PAMR1: variants seen among roughly 807,000 people sequenced by gnomAD.
PAMR1 encodes inactive serine protease PAMR1.
Under a neutral mutation model 81.8 loss-of-function variants are expected in PAMR1, and 88 were observed. The observed-to-expected ratio is 1.08, with a 90% CI of 0.91 to 1.28. PAMR1 has a LOEUF of 1.28. Among genes scored for constraint, PAMR1 ranks in the 50% most tolerant of loss-of-function variants. The pLI, the probability that PAMR1 is intolerant of heterozygous loss-of-function variation, is 0.00. For synonymous variants in PAMR1, 336 were observed against 345.3 expected (o/e 0.97, Z 0.30); for missense variants, 935 against 919.7 (o/e 1.02, Z -0.21).
intron 7 of PAMR1, among the ~76,000 whole-genome samples, chr11:35,441,050 A>G (rs1480211850): frequency 6.6e-6 from 1 of 152,050 alleles, no homozygotes; most frequent in Non-Finnish European, 1.5e-5. Flanking sequence ...AACATCTTCA[A>G]TCCTCCCCCT....
intron 1 of PAMR1, among the ~76,000 whole-genome samples, chr11:35,506,413 GT>G (rs66913789): frequency 0.35 from 46,462 of 131,540 alleles, 7,363 homozygotes; most frequent in African/African-American, 0.41. Flanking sequence ...GCATGTTAGT[GT>G]TTTTTTTTTG....
chr11:35,507,861 A>G (rs887297063), intron 1 of PAMR1, among the ~76,000 whole-genome samples: 11 of 149,122 alleles, frequency 7.4e-5, no homozygotes, highest in African/African-American at 2.7e-4. Context: ...TCTTAAGCCC[A>G]GATTTGCCTT....
intron 1 of PAMR1, among the ~76,000 whole-genome samples, chr11:35,503,692 G>C (rs1329291256): frequency 6.6e-6 from 1 of 152,032 alleles, no homozygotes; most frequent in African/African-American, 2.4e-5. Flanking sequence ...GTATATAAAT[G>C]CTACTGATTC....
At chr11:35,432,955 C>G (rs1382725131) in intron 10 of PAMR1, 63 bp from the exon 11 acceptor site, 4 of 1,433,790 alleles carry the variant, frequency 2.8e-6, no homozygotes, top group Non-Finnish European at 3.7e-6. Context: ...TAAGAACAGA[C>G]AAGGCTTGGA....
chr11:35,467,900 G>T, intron 6 of PAMR1, 101 bp downstream of exon 6: 1 of 689,514 alleles, frequency 1.5e-6, no homozygotes, highest in Non-Finnish European at 2.6e-6. Context: ...CTTGGACAGA[G>T]CATCCTAGAC....
At chr11:35,452,158 C>A (rs1162633117) in intron 6 of PAMR1, among the ~76,000 whole-genome samples, 1 of 151,934 alleles carries the variant, frequency 6.6e-6, no homozygotes, top group Non-Finnish European at 1.5e-5. Flanking sequence ...GAGCAGAAGA[C>A]TGGAAACCTT....
At chr11:35,471,014 T>A (rs1281414155) in intron 4 of PAMR1, among the ~76,000 whole-genome samples, 196 bp from the exon 5 acceptor site, 1 of 152,170 alleles carries the variant, frequency 6.6e-6, no homozygotes, top group East Asian at 1.9e-4. Flanking sequence ...ACTGTTTGCA[T>A]GTATGTGCAC....
chr11:35,515,728 C>T (rs1851150657), intron 1 of PAMR1, among the ~76,000 whole-genome samples: 1 of 152,146 alleles, frequency 6.6e-6, no homozygotes, highest in African/African-American at 2.4e-5. Context: ...AGAAATGAAG[C>T]CATGGCATGT....
At chr11:35,508,840 T>C (rs1851024028) in intron 1 of PAMR1, among the ~76,000 whole-genome samples, 1 of 152,170 alleles carries the variant, frequency 6.6e-6, no homozygotes, top group Admixed American at 6.5e-5. Flanking sequence ...CTTAGGATAA[T>C]GGTCTCCAGC....
intron 1 of PAMR1, among the ~76,000 whole-genome samples, chr11:35,522,652 TG>T (rs1481371447): frequency 6.6e-6 from 1 of 152,258 alleles, no homozygotes; most frequent in African/African-American, 2.4e-5. Flanking sequence ...TGAACATTGA[TG>T]TAAACATATC....
Position 35,446,461 on chromosome 11 carries a change from G to T in PAMR1, c.821-4768C>A, listed in dbSNP as rs186935476. On this transcript the variant is annotated intron_variant, in intron 6 of 10. Transcript: ENST00000619888. ...CAATTTGAGATCTGTGTAGATTTTT[G>T]ATGTGGGCATTTAGTGCTATAAATT... Among the ~76,000 whole-genome samples, 353 of 152,138 alleles carry T rather than the reference G, an allele frequency of 2.3e-3. 1 individual carries two copies. Among genetic ancestry groups the T allele is most frequent in the African/African-American group, 8.2e-3 (339 of 41,526 alleles).
At chr11:35,468,233 A>G (rs1398702197) in intron 5 of PAMR1, 125 bp from the exon 6 acceptor site, 1 of 599,226 alleles carries the variant, frequency 1.7e-6, no homozygotes. Context: ...TCTTCCCTTT[A>G]CTGAATTCAT....
intron 6 of PAMR1, among the ~76,000 whole-genome samples, chr11:35,451,655 G>A (rs533842488): frequency 2.2e-4 from 34 of 152,274 alleles, no homozygotes; most frequent in African/African-American, 8.2e-4. Context: ...GGATCCAATA[G>A]AAGGTACAAT....
intron 6 of PAMR1, among the ~76,000 whole-genome samples, chr11:35,461,134 C>T (rs539717168): frequency 6.6e-6 from 1 of 152,340 alleles, no homozygotes; most frequent in South Asian, 2.1e-4. Context: ...TGAATTACCT[C>T]TTAACCCAGA....
intron 4 of PAMR1, 75 bp from the exon 5 acceptor site, chr11:35,470,893 C>T: frequency 1.0e-6 from 1 of 1,000,638 alleles, no homozygotes; most frequent in Non-Finnish European, 1.6e-6. Context: ...TCATTCAAGG[C>T]CAGATGAGGA....
intron 3 of PAMR1, among the ~76,000 whole-genome samples, chr11:35,477,918 C>T (rs776298934): frequency 2.6e-5 from 4 of 152,114 alleles, no homozygotes; most frequent in Non-Finnish European, 4.4e-5. Context: ...CCTCATCGCC[C>T]CCATCTACCC....
intron 4 of PAMR1, among the ~76,000 whole-genome samples, 168 bp from the exon 5 acceptor site, chr11:35,470,986 A>T (rs1312182132): frequency 6.6e-6 from 1 of 152,210 alleles, no homozygotes; most frequent in African/African-American, 2.4e-5. Context: ...CTCTTAGCAG[A>T]GGAGTATGTA....
chr11:35,451,607 A>G (rs769008567), intron 6 of PAMR1, among the ~76,000 whole-genome samples: 1 of 152,206 alleles, frequency 6.6e-6, no homozygotes, highest in Non-Finnish European at 1.5e-5. Flanking sequence ...TGCTTACGGA[A>G]TGTCATCAGG....
intron 1 of PAMR1, among the ~76,000 whole-genome samples, chr11:35,495,133 A>G (rs1452605824): frequency 6.6e-6 from 1 of 152,250 alleles, no homozygotes; most frequent in African/African-American, 2.4e-5. Context: ...CCAATTGCCA[A>G]GTAGAGACTA....
Sources: gnomAD v4.1 joint callset for allele counts (sites outside exome capture counted in the v4.1 genomes callset) on GRCh38, gnomAD v4.1.1 for gene constraint, MANE v1.5 for transcripts, NCBI Gene and HGNC (gene_info 2026-07-23, HGNC 2026-07-21) for gene names.